Variants in MRPL45 observed in about 807,000 individuals in gnomAD.
The protein encoded by MRPL45 is large ribosomal subunit protein mL45.
MRPL45 carries 20 observed loss-of-function variants against 38.1 expected under a neutral mutation model. The observed-to-expected ratio is 0.53, with a 90% CI of 0.37 to 0.76. MRPL45 has a LOEUF of 0.76. Among genes scored for constraint, MRPL45 ranks in the 30% least tolerant of loss-of-function variants. The probability of loss-of-function intolerance (pLI) is 0.00; values close to 1 mark genes in which losing one functional copy is unlikely to be tolerated. For synonymous variants in MRPL45, 105 were observed against 128.8 expected, an observed-to-expected ratio of 0.82 and a Z score of 1.25; for missense variants, 337 against 395.6, an observed-to-expected ratio of 0.85 and a Z score of 1.26.
rs748882360 is a variant in MRPL45 at position 38,299,395 on chromosome 17, A to G, written c.289A>G (p.Ile97Val). Residue 97 changes from isoleucine to valine, a missense_variant, in exon 3 of 8, where the codon ATA becomes GTA. This residue lies in a region of MRPL45 where 60 missense variants were observed against 109.6 expected (regional missense o/e 0.55). Coordinates refer to ENST00000613675, the MANE Select transcript of MRPL45 (RefSeq NM_032351.6). Reference protein sequence around the residue: ...AYVPPEGDARISSLSKEGLIE... With the variant: ...AYVPPEGDARVSSLSKEGLIE... ...TGTTCCTCCTGAGGGTGATGCACGC[A>G]TATCATCTCTTTCAAAGGAGGGACT... 3.7e-6 allele frequency: 6 copies of G among 1,612,278 alleles called. No individual in the cohort carries two copies. The highest frequency in any genetic ancestry group is 5.1e-6 in the Non-Finnish European group (6 of 1,179,718).
In MRPL45 at chr17:38,318,714, G is replaced by A. The variant is rs773340478; in HGVS notation, c.489G>A (p.Leu163=). The A allele has an allele frequency of 1.2e-6, 2 of 1,610,130 alleles. No individual in the cohort carries two copies. The highest frequency in any genetic ancestry group is 2.2e-5 in the South Asian group (2 of 90,964). ...CAGACCATGACCGGCTTCATACCTT[G>A]GTAACTGAACACTGTTTTCCAGTAA... The part of the protein sequence containing the change: ...NNSDHDRLHT[L]VTEHCFPDMT... Residue 163 remains leucine (L), a synonymous_variant, in exon 5 of 8, where the codon TTG becomes TTA. Coordinates refer to ENST00000613675, the MANE Select transcript of MRPL45 (RefSeq NM_032351.6).
chr17:38,305,575 CT>C (rs1454643931), intron 3 of MRPL45, among the ~76,000 whole-genome samples: 1 of 150,734 alleles, frequency 6.6e-6, no homozygotes, highest in Non-Finnish European at 1.5e-5. Context: ...CTACCTCTGC[CT>C]CCTAAGTTCA....
chr17:38,316,698 C>G (rs1469081163), intron 4 of MRPL45, among the ~76,000 whole-genome samples: 3 of 120,232 alleles, frequency 2.5e-5, no homozygotes, highest in African/African-American at 9.1e-5. Flanking sequence ...GTCCCAGAAT[C>G]TCACTCTGTA....
rs150657776 is a variant in MRPL45, at chr17:38,317,209, G to A, written c.462-1478G>A. Among the ~76,000 whole-genome samples the A allele has an allele frequency of 1.5e-3, 222 of 152,320 alleles. 1 individual carries two copies. The highest frequency in any genetic ancestry group is 5.2e-3 in the African/African-American group (218 of 41,564). On this transcript the variant is annotated intron_variant, in intron 4 of 7. Coordinates refer to ENST00000613675, the MANE Select transcript of MRPL45 (RefSeq NM_032351.6). Reference sequence around the variant, plus strand: ...TTTCCACTGAAGACTTCTATGCCAGGATAGTGGGGAGGAAGAGTTCACTCA... The same window carrying A: ...TTTCCACTGAAGACTTCTATGCCAGAATAGTGGGGAGGAAGAGTTCACTCA...
Position 38,322,253 on chromosome 17 carries a change from C to T in MRPL45, c.788C>T (p.Thr263Ile), listed in dbSNP as rs1191293963. ...TNPYGSWRMH[T>I]KIVPPWAPPK... The stretch of plus-strand genomic sequence containing the variant: ...CCCTATGGAAGCTGGAGAATGCATA[C>T]CAAGATCGTTCCCCCATGGGCACCC... The change falls in exon 7 of 8, where the codon ACC (threonine) becomes ATC (isoleucine). Residue 263 changes from threonine (T) to isoleucine (I), a missense_variant. Thr to Ile is a moderately conservative substitution (Grantham distance 89). Around this residue, in one of 3 missense-constraint regions of MRPL45, gnomAD observed 251 missense variants for 269.1 expected, o/e 0.93. Coordinates refer to ENST00000613675, the MANE Select transcript of MRPL45 (RefSeq NM_032351.6). 6.2e-7 allele frequency: 1 copy of T among 1,614,062 alleles called. No individual in the cohort carries two copies. The highest frequency in any genetic ancestry group is 8.5e-7 in the Non-Finnish European group (1 of 1,180,006).
At chr17:38,313,324 ATATATATACATATATATATATACG>A (rs2037138384) in intron 4 of MRPL45, among the ~76,000 whole-genome samples, 3 of 16,132 alleles carry the variant, frequency 1.9e-4, no homozygotes, top group African/African-American at 5.0e-4. Flanking sequence ...ATATATATAT[ATATATATACATATATATATATACG>A]TATATATATA....
At chr17:38,317,426 T>C (rs988291747) in intron 4 of MRPL45, among the ~76,000 whole-genome samples, 1 of 152,184 alleles carries the variant, frequency 6.6e-6, no homozygotes, top group Admixed American at 6.6e-5. Flanking sequence ...AGAGTTAAAC[T>C]GCTCATAGTA....
chr17:38,308,178 C>T (rs1024860611), intron 4 of MRPL45, among the ~76,000 whole-genome samples: 1 of 151,904 alleles, frequency 6.6e-6, no homozygotes, highest in Non-Finnish European at 1.5e-5. Flanking sequence ...GCTCTGTCAT[C>T]CAGGCTGGAG....
chr17:38,309,132 C>G (rs1263157578), intron 4 of MRPL45, among the ~76,000 whole-genome samples: 1 of 149,638 alleles, frequency 6.7e-6, no homozygotes, highest in Non-Finnish European at 1.5e-5. Flanking sequence ...GTCTCGAACT[C>G]CTGACCTTGT....
intron 3 of MRPL45, among the ~76,000 whole-genome samples, chr17:38,304,850 CT>C (rs113236896): frequency 0.78 from 107,359 of 137,044 alleles, 42,921 homozygotes; most frequent in East Asian, 0.99. Context: ...CCGTAACTTC[CT>C]TTTTTTTTTT....
In MRPL45 at chr17:38,322,708, C is replaced by A; in HGVS notation, c.*113C>A. On this transcript the variant is annotated 3_prime_UTR_variant, in exon 8 of 8. Coordinates refer to ENST00000613675, the MANE Select transcript of MRPL45 (RefSeq NM_032351.6). ...ACTACCTTTGTTCTCTCCCATCCTGCTCAGGTCTTTTCAGCAGTCTCATCA... is the reference window on the plus strand; with the variant it reads ...ACTACCTTTGTTCTCTCCCATCCTGATCAGGTCTTTTCAGCAGTCTCATCA... 1 of 804,936 alleles carries A rather than the reference C, an allele frequency of 1.2e-6. No homozygotes were observed. The allele number at this position is 804,936 out of a possible 1,614,324, so 49.9% of individuals were successfully genotyped here.
At chr17:38,313,346 ACGTATATATATATATATATACG>A (rs1363952478) in intron 4 of MRPL45, among the ~76,000 whole-genome samples, 28 of 19,006 alleles carry the variant, frequency 1.5e-3, no homozygotes, top group African/African-American at 5.8e-3. Flanking sequence ...ATATATATAT[ACGTATATATATATATATATACG>A]TATATATATA....
At chr17:38,308,430 GTTTTT>G (rs372787033) in intron 4 of MRPL45, among the ~76,000 whole-genome samples, 1 of 147,180 alleles carries the variant, frequency 6.8e-6, no homozygotes, top group African/African-American at 2.5e-5. Context: ...TCAAAACATT[GTTTTT>G]TTTTTTGTTT....
chr17:38,312,984 G>GGTTT (rs1424465558), intron 4 of MRPL45, among the ~76,000 whole-genome samples: 1 of 113,676 alleles, frequency 8.8e-6, no homozygotes, highest in Admixed American at 1.2e-4. Context: ...CTTTTTATTG[G>GGTTT]TTTTTTTTTT....
chr17:38,319,658 G>A (rs534669278), intron 5 of MRPL45, among the ~76,000 whole-genome samples: 2 of 152,246 alleles, frequency 1.3e-5, no homozygotes, highest in Non-Finnish European at 1.5e-5. Context: ...CTTGGATATG[G>A]GCCATACTAG....
intron 2 of MRPL45, 30 bp downstream of exon 2, chr17:38,298,656 A>G: frequency 6.7e-7 from 1 of 1,489,296 alleles, no homozygotes; most frequent in Non-Finnish European, 9.3e-7. Context: ...CTGACCTGGG[A>G]TCCTTCTGTC....
chr17:38,322,865 G>T lies in MRPL45; in HGVS notation c.*270G>T. On this transcript the variant is annotated 3_prime_UTR_variant, in exon 8 of 8. Transcript: ENST00000613675. ...AGACAGTATGTTTCAGAGAACATTG[G>T]ATATCAGTTTTTCCCACAGCAGGGA... 2.4e-6 allele frequency: 1 copy of T among 414,442 alleles called. No individual in the cohort carries two copies. The highest frequency in any genetic ancestry group is 4.0e-5 in the South Asian group (1 of 24,860). 25.7% of individuals were successfully genotyped at this position (414,442 alleles called of 1,614,324 possible).
intron 3 of MRPL45, among the ~76,000 whole-genome samples, chr17:38,306,136 G>A (rs1157196696): frequency 6.6e-6 from 1 of 151,856 alleles, no homozygotes; most frequent in Non-Finnish European, 1.5e-5. Context: ...TTGGCCGGGC[G>A]TGGTAGCTCA....
chr17:38,322,116 A>T lies in MRPL45; in HGVS notation c.661-10A>T, dbSNP rs1359502224. On this transcript the variant is annotated splice_polypyrimidine_tract_variant and intron_variant, in intron 6 of 7. Coordinates refer to ENST00000613675, the MANE Select transcript of MRPL45 (RefSeq NM_032351.6). ...AAACTAAGAGGCCAGATTTGCTTTT[A>T]TCCTTGCAGACTCTGGCCATCTATG... The T allele has an allele frequency of 1.9e-6, 3 of 1,611,522 alleles. No individual in the cohort carries two copies. The highest frequency in any genetic ancestry group is 2.5e-6 in the Non-Finnish European group (3 of 1,178,156).
Sources: gnomAD v4.1 joint callset for allele counts (sites outside exome capture counted in the v4.1 genomes callset) on GRCh38, gnomAD v4.1.1 for gene constraint, gnomAD v4.1.1 regional missense constraint, MANE v1.5 for transcripts, NCBI Gene and HGNC (gene_info 2026-07-23, HGNC 2026-07-21) for gene names.